CCDC187: variants seen among roughly 807,000 people sequenced by gnomAD.
The protein encoded by CCDC187 is coiled-coil domain-containing protein 187.
In CCDC187, 32 loss-of-function variants were observed where a neutral mutation model predicts 38.0. The observed-to-expected ratio is 0.84, with a 90% CI of 0.64 to 1.13. The LOEUF (loss-of-function observed/expected upper bound fraction) is 1.13. CCDC187 is among the 50% of genes most tolerant of loss of function. The pLI is 0.00. For synonymous variants in CCDC187, 333 were observed against 347.9 expected, an observed-to-expected ratio of 0.96 and a Z score of 0.48; for missense variants, 707 against 786.8, an observed-to-expected ratio of 0.90 and a Z score of 1.21.
intron 6 of CCDC187, among the ~76,000 whole-genome samples, 186 bp downstream of exon 6, chr9:136,290,300 G>A (rs1432068235): frequency 6.6e-6 from 1 of 150,790 alleles, no homozygotes; most frequent in Non-Finnish European, 1.5e-5. Context: ...CCCCCAGGGA[G>A]GCATCCACAG....
In CCDC187 at chr9:136,262,292, C is replaced by T; in HGVS notation, c.4064+19G>A. ...GGTCCAGACCCCGACCCCCGACCCC[C>T]TAAGACCAACCAACTCACCGCGTGG... On this transcript the variant is annotated intron_variant, in intron 19 of 25. Transcript: ENST00000638797. 3.0e-6 allele frequency: 3 copies of T among 986,260 alleles called. No homozygotes were observed. Among genetic ancestry groups the T allele is most frequent in the Non-Finnish European group, 3.6e-6 (3 of 830,604 alleles). The allele number at this position is 986,260 out of a possible 1,614,324, so 61.1% of individuals were successfully genotyped here.
rs1225623746 is a variant in CCDC187, at chr9:136,293,231, ACACGCT to A, written c.833-942_833-937del. Reference sequence around the variant, plus strand: ...AACACATGCTCACACACTCACACTCACACGCTCACACTCACATGCTTACACACTCAC... The same window carrying A: ...AACACATGCTCACACACTCACACTCACACACTCACATGCTTACACACTCAC... On this transcript the variant is annotated intron_variant, in intron 4 of 25. Coordinates refer to ENST00000638797, the MANE Select transcript of CCDC187 (RefSeq NM_001378188.1). Among the ~76,000 whole-genome samples the A allele has an allele frequency of 2.3e-4, 33 of 142,612 alleles. 1 individual carries two copies. The highest frequency in any genetic ancestry group is 5.5e-4 in the African/African-American group (21 of 38,072). 93.6% of individuals were successfully genotyped at this position (142,612 alleles called of 152,430 possible).
intron 9 of CCDC187, among the ~76,000 whole-genome samples, chr9:136,281,873 G>C (rs1831052193): frequency 6.6e-6 from 1 of 152,136 alleles, no homozygotes; most frequent in Non-Finnish European, 1.5e-5. Context: ...CAGGAGGCAG[G>C]GGTGAGCGGG....
In CCDC187 at chr9:136,253,496, T is replaced by C; in HGVS notation, c.*98A>G. 1.5e-6 allele frequency: 1 copy of C among 679,914 alleles called. No homozygotes were observed. 42.1% of individuals were successfully genotyped at this position (679,914 alleles called of 1,614,324 possible). A position where few individuals can be genotyped will look rare whatever the true frequency, so the allele number is the denominator to read the frequency against. The stretch of plus-strand genomic sequence containing the variant: ...TGGCCAGCTGACAGGTTCAGGCCAC[T>C]GGCTGCCTCCGGCCTCATCCCCTGC... On this transcript the variant is annotated 3_prime_UTR_variant, in exon 26 of 26. Coordinates refer to ENST00000638797, the MANE Select transcript of CCDC187 (RefSeq NM_001378188.1).
At chr9:136,303,427 AC>A in intron 1 of CCDC187, 134 bp from the exon 2 acceptor site, 1 of 355,446 alleles carries the variant, frequency 2.8e-6, no homozygotes, top group Non-Finnish European at 5.1e-6. Context: ...CCTGGAATAC[AC>A]CCCACCTGGA....
chr9:136,270,188 G>A (rs373412178), intron 14 of CCDC187, among the ~76,000 whole-genome samples: 12 of 152,322 alleles, frequency 7.9e-5, no homozygotes, highest in Middle Eastern at 6.8e-3. Context: ...ATGAGAGATC[G>A]TAAGAAATAA....
intron 4 of CCDC187, among the ~76,000 whole-genome samples, chr9:136,295,292 C>G (rs894516022): frequency 5.3e-5 from 8 of 152,222 alleles, no homozygotes; most frequent in Non-Finnish European, 1.2e-4. Flanking sequence ...CCTGCCCGCC[C>G]GGCCCCTCCA....
intron 3 of CCDC187, among the ~76,000 whole-genome samples, chr9:136,298,898 C>G (rs972691719): frequency 7.9e-5 from 12 of 152,324 alleles, no homozygotes; most frequent in African/African-American, 2.9e-4. Context: ...ATGTGCTCAG[C>G]GCCACTGAAC....
At position 136,250,614 on chromosome 9, in the gene CCDC187, C is replaced by T. The variant is rs1358324542; in HGVS notation, c.*2980G>A. 2.6e-6 allele frequency: 1 copy of T among 389,946 alleles called. No individual in the cohort carries two copies. Among genetic ancestry groups the T allele is most frequent in the Non-Finnish European group, 5.2e-6 (1 of 191,340 alleles). The allele number at this position is 389,946 out of a possible 1,614,324, so 24.2% of individuals were successfully genotyped here. On this transcript the variant is annotated 3_prime_UTR_variant, in exon 26 of 26. Transcript: ENST00000638797. ...AAGGGGATCAATGAGAAAGCTGTAG[C>T]TCAGCTCAAAGTTTGTTCTGAAATT... is the stretch of plus-strand genomic sequence containing the variant.
chr9:136,268,427 G>A (rs1194322344), intron 14 of CCDC187, among the ~76,000 whole-genome samples: 1 of 152,204 alleles, frequency 6.6e-6, no homozygotes, highest in Non-Finnish European at 1.5e-5. Context: ...CTAAAGGAGG[G>A]GAGAGTGAGG....
At position 136,259,003 on chromosome 9, in the gene CCDC187, TG is replaced by T. The variant is rs1156450019; in HGVS notation, c.4297-3del. 70 of 984,166 alleles carry T rather than the reference TG, an allele frequency of 7.1e-5. No homozygotes were observed. The highest frequency in any genetic ancestry group is 8.1e-5 in the Non-Finnish European group (67 of 830,004). The allele number at this position is 984,166 out of a possible 1,614,324, so 61.0% of individuals were successfully genotyped here. A position where few individuals can be genotyped will look rare whatever the true frequency, so the allele number is the denominator to read the frequency against. ...GAGGCGCCCCTCCGCCTCCTCGGCC[TG>T]GGGGGTGAGACGGGAGTGGACATGG... On this transcript the variant is annotated splice_polypyrimidine_tract_variant and splice_region_variant and intron_variant, in intron 21 of 25. Coordinates refer to ENST00000638797, the MANE Select transcript of CCDC187 (RefSeq NM_001378188.1).
intron 7 of CCDC187, among the ~76,000 whole-genome samples, 181 bp downstream of exon 7, chr9:136,289,778 G>T (rs1831269943): frequency 6.6e-6 from 1 of 152,176 alleles, no homozygotes; most frequent in Non-Finnish European, 1.5e-5. Flanking sequence ...AAGCACAGTG[G>T]TGACCGCCTC....
intron 20 of CCDC187, among the ~76,000 whole-genome samples, 199 bp downstream of exon 20, chr9:136,259,920 C>T (rs1293786329): frequency 6.6e-6 from 1 of 152,174 alleles, no homozygotes; most frequent in Non-Finnish European, 1.5e-5. Context: ...GGGTGGCCCG[C>T]CTGCTGGCAA....
At chr9:136,293,331 A>G (rs1831402696) in intron 4 of CCDC187, among the ~76,000 whole-genome samples, 1 of 147,294 alleles carries the variant, frequency 6.8e-6, no homozygotes, top group Non-Finnish European at 1.5e-5. Flanking sequence ...TCACATGCTT[A>G]CACACTCACA....
Position 136,253,632 on chromosome 9 carries a change from G to A in CCDC187, c.6196C>T (p.Leu2066=). The change falls in exon 26 of 26, where the codon CTG becomes TTG. Residue 2066 remains leucine, a synonymous_variant. Coordinates refer to ENST00000638797, the MANE Select transcript of CCDC187 (RefSeq NM_001378188.1). Reference sequence around the variant, plus strand: ...GCCGACCCCTGGGGCCCAGGAAACAGTCCCTCCGGCAGACTCTCCTCAGAC... The same window carrying A: ...GCCGACCCCTGGGGCCCAGGAAACAATCCCTCCGGCAGACTCTCCTCAGAC... The part of the protein sequence containing the change: ...SLSEESLPEG[L]FPGPQGSAGT... The A allele has an allele frequency of 3.0e-6, 3 of 985,550 alleles. No homozygotes were observed. Among genetic ancestry groups the A allele is most frequent in the Non-Finnish European group, 3.6e-6 (3 of 829,998 alleles). 61.1% of individuals were successfully genotyped at this position (985,550 alleles called of 1,614,324 possible). A position where few individuals can be genotyped will look rare whatever the true frequency, so the allele number is the denominator to read the frequency against.
intron 3 of CCDC187, among the ~76,000 whole-genome samples, chr9:136,299,836 G>T (rs1831631198): frequency 6.6e-6 from 1 of 152,180 alleles, no homozygotes; most frequent in Admixed American, 6.5e-5. Context: ...GGAAAAGTGA[G>T]CCCAGGAGCT....
At chr9:136,299,323 T>C (rs1391510262) in intron 3 of CCDC187, among the ~76,000 whole-genome samples, 1 of 152,096 alleles carries the variant, frequency 6.6e-6, no homozygotes, top group African/African-American at 2.4e-5. Context: ...CTGTGGCTGC[T>C]GCCCAACCAG....
At chr9:136,292,678 G>A (rs1214555401) in intron 4 of CCDC187, among the ~76,000 whole-genome samples, 1 of 152,222 alleles carries the variant, frequency 6.6e-6, no homozygotes, top group African/African-American at 2.4e-5. Flanking sequence ...AGCAGCTGGA[G>A]TGACAACCGC....
chr9:136,283,194 A>C (rs1435664240), intron 9 of CCDC187, among the ~76,000 whole-genome samples: 3 of 152,260 alleles, frequency 2.0e-5, no homozygotes, highest in Non-Finnish European at 4.4e-5. Flanking sequence ...GGTTGCAGCA[A>C]GCTGAGATCA....
Sources: gnomAD v4.1 joint callset for allele counts (sites outside exome capture counted in the v4.1 genomes callset) on GRCh38, gnomAD v4.1.1 for gene constraint, MANE v1.5 for transcripts, NCBI Gene and HGNC (gene_info 2026-07-23, HGNC 2026-07-21) for gene names.